The following PARVA variants were observed in gnomAD, a reference collection of about 807,000 sequenced individuals.
The protein encoded by PARVA is alpha-parvin.
PARVA carries 25 observed loss-of-function variants against 52.6 expected under a neutral mutation model. The ratio of observed to expected loss-of-function variants is 0.48; its 90% CI spans 0.35 to 0.66. PARVA has a LOEUF of 0.66. Among genes scored for constraint, PARVA ranks in the 30% least tolerant of loss-of-function variants. The pLI is 0.01. For synonymous variants in PARVA, 185 were observed against 179.1 expected (o/e 1.03, Z -0.26); for missense variants, 373 against 450.9 (o/e 0.83, Z 1.56).
At chr11:12,495,860 A>G (rs535965819) in intron 4 of PARVA, among the ~76,000 whole-genome samples, 3 of 152,326 alleles carry the variant, frequency 2.0e-5, no homozygotes, top group East Asian at 1.9e-4. Flanking sequence ...CGTGGAGACA[A>G]TGATAACTCT....
At chr11:12,414,773 C>G (rs1342354064) in intron 1 of PARVA, among the ~76,000 whole-genome samples, 1 of 151,950 alleles carries the variant, frequency 6.6e-6, no homozygotes, top group African/African-American at 2.4e-5. Flanking sequence ...GAATTAGATT[C>G]TTACAGCGTT....
At chr11:12,517,136 G>C (rs903090504) in intron 10 of PARVA, among the ~76,000 whole-genome samples, 5 of 152,008 alleles carry the variant, frequency 3.3e-5, no homozygotes, top group African/African-American at 1.2e-4. Context: ...TCTCCACTCA[G>C]GCTCTGTCCC....
chr11:12,384,092 C>T (rs990680351), intron 1 of PARVA, among the ~76,000 whole-genome samples: 10 of 152,192 alleles, frequency 6.6e-5, no homozygotes, highest in African/African-American at 2.2e-4. Flanking sequence ...TCTCTCCTTG[C>T]TCATAAGGCC....
At chr11:12,439,638 G>A (rs187101358) in intron 1 of PARVA, among the ~76,000 whole-genome samples, 186 of 152,190 alleles carry the variant, frequency 1.2e-3, no homozygotes, top group African/African-American at 4.0e-3. Flanking sequence ...TCACTACCTC[G>A]CAGTAAACTC....
chr11:12,525,763 CAG>C (rs1044231834), intron 12 of PARVA, among the ~76,000 whole-genome samples: 1 of 152,138 alleles, frequency 6.6e-6, no homozygotes, highest in Non-Finnish European at 1.5e-5. Flanking sequence ...GGAGCAGAAA[CAG>C]AATCTGGGAG....
At chr11:12,452,426 C>T (rs1175021387) in intron 1 of PARVA, among the ~76,000 whole-genome samples, 1 of 151,992 alleles carries the variant, frequency 6.6e-6, no homozygotes, top group Non-Finnish European at 1.5e-5. Flanking sequence ...AGTTATCTCA[C>T]CTGATAGGAC....
chr11:12,425,163 T>C (rs1940212525), intron 1 of PARVA, among the ~76,000 whole-genome samples: 1 of 152,214 alleles, frequency 6.6e-6, no homozygotes, highest in Non-Finnish European at 1.5e-5. Context: ...GGGCTTCCTT[T>C]AGAAGTGTGT....
chr11:12,433,495 C>G (rs1346729466), intron 1 of PARVA, among the ~76,000 whole-genome samples: 2 of 152,196 alleles, frequency 1.3e-5, no homozygotes, highest in African/African-American at 4.8e-5. Context: ...AAGGTTTGTT[C>G]TGTTTTGTTT....
At chr11:12,459,857 A>G (rs114755363) in intron 1 of PARVA, among the ~76,000 whole-genome samples, 311 of 152,340 alleles carry the variant, frequency 2.0e-3, no homozygotes, top group African/African-American at 7.2e-3. Flanking sequence ...TATCTTAAAG[A>G]GCATGTTTTT....
At chr11:12,460,275 T>G (rs1940759544) in intron 1 of PARVA, among the ~76,000 whole-genome samples, 1 of 152,208 alleles carries the variant, frequency 6.6e-6, no homozygotes, top group Admixed American at 6.5e-5. Flanking sequence ...TGCAGCCAGC[T>G]GGCTCAGGAT....
At chr11:12,377,862 C>T in intron 1 of PARVA, 79 bp downstream of exon 1, 8 of 1,040,000 alleles carry the variant, frequency 7.7e-6, no homozygotes, top group Non-Finnish European at 9.9e-6. Flanking sequence ...GCACTGGGAC[C>T]GGGCGGGAGC....
At position 12,508,572 on chromosome 11, in the gene PARVA, C is replaced by T. The variant is rs1941464572; in HGVS notation, c.658-12C>T. On this transcript the variant is annotated splice_polypyrimidine_tract_variant and intron_variant, in intron 6 of 12. Coordinates refer to ENST00000334956, the MANE Select transcript of PARVA (RefSeq NM_018222.5). ...CTTCTCCTCCCAACCCCTTTCCCCA[C>T]CCCCATTTCAGAAACGAGAAGGAAT... is the stretch of plus-strand genomic sequence containing the variant. 6.2e-7 allele frequency: 1 copy of T among 1,602,152 alleles called. No homozygotes were observed. Among genetic ancestry groups the T allele is most frequent in the Non-Finnish European group, 8.5e-7 (1 of 1,170,986 alleles).
At chr11:12,439,435 G>T (rs1940431794) in intron 1 of PARVA, among the ~76,000 whole-genome samples, 1 of 152,170 alleles carries the variant, frequency 6.6e-6, no homozygotes. Flanking sequence ...ATCAAAGATG[G>T]TTGAGACATT....
At chr11:12,421,084 G>A (rs1940142507) in intron 1 of PARVA, among the ~76,000 whole-genome samples, 1 of 10,670 alleles carries the variant, frequency 9.4e-5, no homozygotes, top group Non-Finnish European at 7.5e-4. Flanking sequence ...TTTACTACTT[G>A]GGGTGTCTTG....
chr11:12,433,994 A>G (rs757747298), intron 1 of PARVA, among the ~76,000 whole-genome samples: 6 of 152,134 alleles, frequency 3.9e-5, no homozygotes, highest in Non-Finnish European at 1.5e-5. Flanking sequence ...TCCCACAGAT[A>G]AAAATAAGGA....
chr11:12,522,462 A>G (rs1941649687), intron 12 of PARVA, among the ~76,000 whole-genome samples: 1 of 135,256 alleles, frequency 7.4e-6, no homozygotes, highest in African/African-American at 2.8e-5. Context: ...TTCGCTCTCC[A>G]GGCTGGAGTG....
chr11:12,454,570 A>G (rs1940670198), intron 1 of PARVA, among the ~76,000 whole-genome samples: 1 of 139,202 alleles, frequency 7.2e-6, no homozygotes, highest in Admixed American at 7.1e-5. Flanking sequence ...GTTCTAAAGT[A>G]TCATTTAAAA....
At chr11:12,481,096 A>G (rs1941080520) in intron 4 of PARVA, among the ~76,000 whole-genome samples, 1 of 151,874 alleles carries the variant, frequency 6.6e-6, no homozygotes, top group South Asian at 2.1e-4. Flanking sequence ...AAGTGGGGAG[A>G]GATACTTTGA....
At chr11:12,506,609 T>C (rs1208586824) in intron 6 of PARVA, among the ~76,000 whole-genome samples, 1 of 152,240 alleles carries the variant, frequency 6.6e-6, no homozygotes, top group Non-Finnish European at 1.5e-5. Context: ...TTATAGGCCA[T>C]CAGAAGCCTG....
Sources: gnomAD v4.1 joint callset for allele counts (sites outside exome capture counted in the v4.1 genomes callset) on GRCh38, gnomAD v4.1.1 for gene constraint, MANE v1.5 for transcripts, NCBI Gene and HGNC (gene_info 2026-07-23, HGNC 2026-07-21) for gene names.